The following PAPPA2 variants were observed in gnomAD, a reference collection of about 807,000 sequenced individuals.
The protein encoded by PAPPA2 is pappalysin 2.
In PAPPA2, 86 loss-of-function variants were observed where a neutral mutation model predicts 176.4. The ratio of observed to expected loss-of-function variants is 0.49; its 90% CI spans 0.41 to 0.58. The LOEUF (loss-of-function observed/expected upper bound fraction) is 0.58, where lower values mean the gene tolerates loss of function less well. Among genes scored for constraint, PAPPA2 ranks in the 20% least tolerant of loss-of-function variants. The pLI is 0.00. For missense variants in PAPPA2, 2,073 were observed against 2,256.9 expected (o/e 0.92, Z 1.65); for synonymous variants, 809 against 852.2 (o/e 0.95, Z 0.88).
intron 3 of PAPPA2, among the ~76,000 whole-genome samples, chr1:176,624,604 C>T (rs17354566): frequency 0.14 from 20,755 of 152,122 alleles, 1,590 homozygotes; most frequent in South Asian, 0.24. Context: ...ACACATCAAG[C>T]TTCTTCCCAT....
intron 21 of PAPPA2, among the ~76,000 whole-genome samples, chr1:176,804,694 C>A (rs1259833911): frequency 2.6e-5 from 4 of 152,172 alleles, no homozygotes; most frequent in Admixed American, 1.3e-4. Flanking sequence ...CTTTATGATG[C>A]TGTAACTACT....
At chr1:176,514,494 C>T (rs1352433149) in intron 1 of PAPPA2, among the ~76,000 whole-genome samples, 5 of 152,154 alleles carry the variant, frequency 3.3e-5, no homozygotes, top group East Asian at 1.9e-4. Context: ...CTGGATCCCC[C>T]GGACCTTAAC....
chr1:176,525,223 G>A (rs1195291679), intron 1 of PAPPA2, among the ~76,000 whole-genome samples: 1 of 152,162 alleles, frequency 6.6e-6, no homozygotes, highest in Non-Finnish European at 1.5e-5. Flanking sequence ...TGATGGATTG[G>A]CTGAATGAAT....
At chr1:176,464,951 A>C (rs77456298) in intron 1 of PAPPA2, among the ~76,000 whole-genome samples, 2,165 of 152,314 alleles carry the variant, frequency 0.014, 41 homozygotes, top group African/African-American at 0.049. Context: ...AGGTGTTTTC[A>C]CTTTGAATTA....
chr1:176,716,951 C>G (rs923285442), intron 12 of PAPPA2, among the ~76,000 whole-genome samples: 1 of 152,054 alleles, frequency 6.6e-6, no homozygotes, highest in Admixed American at 6.6e-5. Flanking sequence ...ACAAGGCTTT[C>G]AACCCATCCC....
At chr1:176,490,669 T>G (rs1647239377) in intron 1 of PAPPA2, among the ~76,000 whole-genome samples, 1 of 152,178 alleles carries the variant, frequency 6.6e-6, no homozygotes, top group Admixed American at 6.5e-5. Context: ...AGCATGTTTG[T>G]CTGAAATGAC....
At chr1:176,709,448 G>A (rs1661039465) in intron 10 of PAPPA2, among the ~76,000 whole-genome samples, 1 of 152,090 alleles carries the variant, frequency 6.6e-6, no homozygotes, top group South Asian at 2.1e-4. Flanking sequence ...AAAGCCTGGA[G>A]CCTATATTCT....
At chr1:176,800,240 GT>G in intron 21 of PAPPA2, 108 bp downstream of exon 21, 1 of 984,886 alleles carries the variant, frequency 1.0e-6, no homozygotes, top group Non-Finnish European at 1.5e-6. Flanking sequence ...CTATTCCTCT[GT>G]CCTTTGTTTA....
chr1:176,741,599 A>C (rs1394170382), intron 14 of PAPPA2, among the ~76,000 whole-genome samples: 1 of 152,108 alleles, frequency 6.6e-6, no homozygotes, highest in Non-Finnish European at 1.5e-5. Context: ...GTCCATACCC[A>C]AGGGGAGGGG....
At chr1:176,513,327 T>C (rs1488495712) in intron 1 of PAPPA2, among the ~76,000 whole-genome samples, 1 of 152,134 alleles carries the variant, frequency 6.6e-6, no homozygotes. Flanking sequence ...TTTTTCTAAA[T>C]TGTTAATAAT....
intron 14 of PAPPA2, among the ~76,000 whole-genome samples, chr1:176,761,615 C>T (rs1473476005): frequency 6.6e-6 from 1 of 152,232 alleles, no homozygotes; most frequent in Non-Finnish European, 1.5e-5. Flanking sequence ...CCTTGGCTCA[C>T]TCTGGCCTCT....
intron 12 of PAPPA2, among the ~76,000 whole-genome samples, chr1:176,738,503 A>G (rs1439823222): frequency 6.6e-6 from 1 of 152,146 alleles, no homozygotes; most frequent in Admixed American, 6.6e-5. Context: ...CCACTTTTAG[A>G]GGAAGGCCCT....
intron 1 of PAPPA2, among the ~76,000 whole-genome samples, chr1:176,532,227 C>A (rs890266031): frequency 6.6e-6 from 1 of 152,126 alleles, no homozygotes; most frequent in Non-Finnish European, 1.5e-5. Flanking sequence ...AATTATGGGC[C>A]CAAAGTTCAG....
intron 4 of PAPPA2, among the ~76,000 whole-genome samples, chr1:176,683,853 T>C (rs1454950353): frequency 6.6e-6 from 1 of 152,156 alleles, no homozygotes; most frequent in Non-Finnish European, 1.5e-5. Context: ...CAAACCTATT[T>C]TGGGTTTTTA....
chr1:176,673,905 G>T (rs1328265932), intron 4 of PAPPA2, among the ~76,000 whole-genome samples: 1 of 152,018 alleles, frequency 6.6e-6, no homozygotes, highest in African/African-American at 2.4e-5. Flanking sequence ...GCTTGCTTTG[G>T]TCTCAAGACA....
At chr1:176,668,346 A>G (rs1658785370) in intron 3 of PAPPA2, among the ~76,000 whole-genome samples, 1 of 152,174 alleles carries the variant, frequency 6.6e-6, no homozygotes, top group Non-Finnish European at 1.5e-5. Flanking sequence ...TCCCCTTTTA[A>G]TACAAAGTTC....
chr1:176,773,942 C>T (rs1664342193), intron 17 of PAPPA2, among the ~76,000 whole-genome samples: 1 of 152,104 alleles, frequency 6.6e-6, no homozygotes, highest in Non-Finnish European at 1.5e-5. Context: ...ATATTCATCC[C>T]CTGCATGCTC....
At position 176,842,382 on chromosome 1, in the gene PAPPA2, C is replaced by A; in HGVS notation, c.5304C>A (p.Val1768=). 6.2e-7 allele frequency: 1 copy of A among 1,612,896 alleles called. No homozygotes were observed. Among genetic ancestry groups the A allele is most frequent in the Non-Finnish European group, 8.5e-7 (1 of 1,179,136 alleles). ...CTACTTCCCTTTCATTCCCCTAGGT[C>A]ATTCCATTTGCTGCTGACTGTGACC... ...CCSSTLSSKK[V]IPFAADCDLD... The change falls in exon 23 of 23, where the codon GTC becomes GTA. Residue 1768 remains valine (V), a splice_region_variant and synonymous_variant. Transcript: ENST00000367662.
intron 17 of PAPPA2, among the ~76,000 whole-genome samples, chr1:176,788,873 C>G (rs1223835466): frequency 2.0e-5 from 3 of 152,234 alleles, no homozygotes; most frequent in Non-Finnish European, 4.4e-5. Flanking sequence ...TTCAGAATCT[C>G]TGTTTTAAAA....
Sources: allele counts gnomAD v4.1 joint callset (sites outside exome capture counted in the v4.1 genomes callset), GRCh38; gene constraint gnomAD v4.1.1; transcripts MANE v1.5; gene names NCBI Gene and HGNC (gene_info 2026-07-23, HGNC 2026-07-21).